Variants in EHF observed in about 807,000 individuals in gnomAD.
EHF encodes the protein ESE3 transcription factor.
In EHF, 14 loss-of-function variants were observed where a neutral mutation model predicts 45.1. The observed-to-expected ratio is 0.31, with a 90% CI of 0.21 to 0.49. The LOEUF (loss-of-function observed/expected upper bound fraction) is 0.49. EHF is among the 20% of genes least tolerant of loss of function. The probability of loss-of-function intolerance (pLI) is 0.99; values close to 1 mark genes in which losing one functional copy is unlikely to be tolerated. For missense variants in EHF, 282 were observed against 371.4 expected (o/e 0.76, Z 1.98); for synonymous variants, 136 against 131.8 (o/e 1.03, Z -0.22).
chr11:34,630,887 C>T (rs79808117), intron 1 of EHF, among the ~76,000 whole-genome samples: 1 of 152,096 alleles, frequency 6.6e-6, no homozygotes, highest in African/African-American at 2.4e-5. Flanking sequence ...AGCCCCCCTC[C>T]CCCATGAAGC....
At chr11:34,658,755 A>T in intron 8 of EHF, 27 bp downstream of exon 8, 1 of 1,609,294 alleles carries the variant, frequency 6.2e-7, no homozygotes, top group Non-Finnish European at 8.5e-7. Context: ...CTCTGAAAAC[A>T]AAAAGGCTGT....
intron 3 of EHF, among the ~76,000 whole-genome samples, chr11:34,647,053 A>C (rs1302925679): frequency 6.7e-6 from 1 of 150,358 alleles, no homozygotes; most frequent in African/African-American, 2.5e-5. Flanking sequence ...ACAAAAAAAA[A>C]AACAAAAAAC....
chr11:34,630,880 C>T (rs1404261118), intron 1 of EHF, among the ~76,000 whole-genome samples: 1 of 152,064 alleles, frequency 6.6e-6, no homozygotes, highest in Non-Finnish European at 1.5e-5. Flanking sequence ...TGCCATAAGC[C>T]CCCCTCCCCC....
chr11:34,630,015 T>C (rs1852729615), intron 1 of EHF, among the ~76,000 whole-genome samples: 1 of 152,196 alleles, frequency 6.6e-6, no homozygotes, highest in South Asian at 2.1e-4. Context: ...CTGTGAACTG[T>C]GTTTCTGTAG....
intron 2 of EHF, 95 bp downstream of exon 2, chr11:34,642,822 T>C (rs1854143168): frequency 2.2e-6 from 2 of 902,572 alleles, no homozygotes; most frequent in Non-Finnish European, 3.5e-6. Context: ...AATATAGGCT[T>C]TACAGCAGAA....
chr11:34,642,749 G>T, intron 2 of EHF, 22 bp downstream of exon 2: 3 of 1,554,008 alleles, frequency 1.9e-6, no homozygotes, highest in Non-Finnish European at 2.7e-6. Flanking sequence ...TGTGGGTGTT[G>T]GTGTCACTGC....
chr11:34,626,455 A>C (rs1227313986), intron 1 of EHF, among the ~76,000 whole-genome samples: 1 of 152,228 alleles, frequency 6.6e-6, no homozygotes, highest in Non-Finnish European at 1.5e-5. Flanking sequence ...TATTCTGGAC[A>C]ATAAGGTGAG....
intron 4 of EHF, 103 bp from the exon 5 acceptor site, chr11:34,651,439 C>G (rs1377289180): frequency 1.1e-6 from 1 of 913,496 alleles, no homozygotes; most frequent in African/African-American, 1.6e-5. Context: ...AGGACCACTC[C>G]TCACCCCCCA....
chr11:34,628,649 TTGAGTGCC>T (rs1852593798), intron 1 of EHF, among the ~76,000 whole-genome samples: 1 of 152,196 alleles, frequency 6.6e-6, no homozygotes, highest in South Asian at 2.1e-4. Context: ...TGGTAATTTG[TTGAGTGCC>T]TGCTGTAAGC....
chr11:34,658,782 C>G, intron 8 of EHF, 50 bp from the exon 9 acceptor site: 1 of 1,606,526 alleles, frequency 6.2e-7, no homozygotes, highest in Non-Finnish European at 8.5e-7. Flanking sequence ...CATTATTTAC[C>G]TAGCAACCTT....
At chr11:34,625,921 A>G (rs1852339920) in intron 1 of EHF, among the ~76,000 whole-genome samples, 1 of 151,872 alleles carries the variant, frequency 6.6e-6, no homozygotes, top group South Asian at 2.1e-4. Flanking sequence ...GTACTTGCCT[A>G]CTTATTTAAA....
At chr11:34,657,107 A>C in intron 7 of EHF, 137 bp downstream of exon 7, 1 of 1,026,768 alleles carries the variant, frequency 9.7e-7, no homozygotes, top group Non-Finnish European at 1.4e-6. Flanking sequence ...GGAGTGAGAA[A>C]ATAGAGGCAT....
chr11:34,622,862 A>G (rs747002420), intron 1 of EHF, among the ~76,000 whole-genome samples: 38 of 152,216 alleles, frequency 2.5e-4, no homozygotes, highest in Non-Finnish European at 5.0e-4. Flanking sequence ...CGTGTTTCCA[A>G]AATATTTTAC....
intron 1 of EHF, among the ~76,000 whole-genome samples, chr11:34,638,727 A>G (rs1407636087): frequency 6.6e-6 from 1 of 152,100 alleles, no homozygotes; most frequent in East Asian, 1.9e-4. Context: ...GAGGTTGAGA[A>G]ACTCTGCTTT....
intron 1 of EHF, among the ~76,000 whole-genome samples, chr11:34,630,772 A>G (rs1852808847): frequency 6.6e-6 from 1 of 152,112 alleles, no homozygotes; most frequent in African/African-American, 2.4e-5. Context: ...GCTGCTCATA[A>G]CAAGAATGCC....
intron 1 of EHF, among the ~76,000 whole-genome samples, chr11:34,631,855 TG>T (rs1852919863): frequency 6.6e-6 from 1 of 152,134 alleles, no homozygotes; most frequent in South Asian, 2.1e-4. Context: ...AGTGTGGTTT[TG>T]GTTTCGATCG....
intron 1 of EHF, among the ~76,000 whole-genome samples, chr11:34,638,474 C>T (rs181487335): frequency 6.6e-6 from 1 of 152,274 alleles, no homozygotes; most frequent in East Asian, 1.9e-4. Context: ...GAGGAAATGG[C>T]ACCCAGGAAG....
intron 1 of EHF, among the ~76,000 whole-genome samples, chr11:34,641,376 A>G (rs1853978096): frequency 6.6e-6 from 1 of 152,232 alleles, no homozygotes; most frequent in Non-Finnish European, 1.5e-5. Flanking sequence ...ATACATGAAT[A>G]TATTCGTATG....
At chr11:34,629,638 G>A (rs890834989) in intron 1 of EHF, among the ~76,000 whole-genome samples, 2 of 152,222 alleles carry the variant, frequency 1.3e-5, no homozygotes, top group African/African-American at 4.8e-5. Context: ...ATTCAAAACA[G>A]GGATGTGGAC....
Sources: gnomAD v4.1 joint callset for allele counts (sites outside exome capture counted in the v4.1 genomes callset) on GRCh38, gnomAD v4.1.1 for gene constraint, MANE v1.5 for transcripts, NCBI Gene and HGNC (gene_info 2026-07-23, HGNC 2026-07-21) for gene names.